Variants in NRG3 observed in about 807,000 individuals in gnomAD.
NRG3 encodes the protein neuregulin 3.
NRG3 carries 31 observed loss-of-function variants against 66.9 expected under a neutral mutation model. The ratio of observed to expected loss-of-function variants is 0.46; its 90% CI spans 0.35 to 0.63. The LOEUF (loss-of-function observed/expected upper bound fraction) is 0.63. Among genes scored for constraint, NRG3 ranks in the 20% least tolerant of loss-of-function variants. The pLI, the probability that NRG3 is intolerant of heterozygous loss-of-function variation, is 0.00. For missense variants in NRG3, 910 were observed against 878.9 expected (o/e 1.04, Z -0.45); for synonymous variants, 393 against 359.4 (o/e 1.09, Z -1.06).
chr10:82,480,833 T>C (rs182617304), intron 2 of NRG3, among the ~76,000 whole-genome samples: 2 of 152,360 alleles, frequency 1.3e-5, no homozygotes, highest in Non-Finnish European at 2.9e-5. Context: ...CTAGTGCTGA[T>C]GGAAGTAAAC....
chr10:82,667,560 A>G lies in NRG3; in HGVS notation c.954-71017A>G, dbSNP rs139128750. The stretch of plus-strand genomic sequence containing the variant: ...GAAAGCTAATTTTTTTTTAACTCAC[A>G]GGCCTGAGATAATGACGAAAGGAGA... On this transcript the variant is annotated intron_variant, in intron 2 of 8. Transcript: ENST00000372141. 9.9e-4 allele frequency among the ~76,000 whole-genome samples: 150 copies of G among 152,268 alleles called. 1 individual carries two copies. Among genetic ancestry groups the G allele is most frequent in the African/African-American group, 3.4e-3 (142 of 41,564 alleles).
intron 1 of NRG3, among the ~76,000 whole-genome samples, chr10:82,042,596 A>G (rs1032710918): frequency 4.6e-5 from 7 of 152,078 alleles, no homozygotes; most frequent in Admixed American, 6.6e-5. Context: ...ATTTACAGTT[A>G]TAAACACATA....
intron 3 of NRG3, among the ~76,000 whole-genome samples, chr10:82,861,882 A>C (rs1198165368): frequency 1.3e-5 from 2 of 152,136 alleles, no homozygotes; most frequent in Non-Finnish European, 2.9e-5. Flanking sequence ...GTCTATATGA[A>C]AAAGTTTAGT....
intron 1 of NRG3, among the ~76,000 whole-genome samples, chr10:82,216,512 A>C (rs908031784): frequency 1.4e-5 from 2 of 146,340 alleles, no homozygotes; most frequent in African/African-American, 5.2e-5. Context: ...ATATACACAC[A>C]CATATATGCA....
Position 82,742,685 on chromosome 10 carries a change from T to G in NRG3, c.1027+4035T>G, listed in dbSNP as rs557220298. 2.6e-5 allele frequency among the ~76,000 whole-genome samples: 4 copies of G among 152,196 alleles called. No individual in the cohort carries two copies. In the East Asian group the frequency reaches 7.8e-4, roughly 30 times the overall value. On this transcript the variant is annotated intron_variant, in intron 3 of 8. Transcript: ENST00000372141. ...CCGGCATCAGCTACTGTGGCATTCT[T>G]GAAGGGCATATTTCTGCCTCCTGCC...
At chr10:82,712,576 T>G in intron 2 of NRG3, among the ~76,000 whole-genome samples, 1 of 152,154 alleles carries the variant, frequency 6.6e-6, no homozygotes, top group East Asian at 1.9e-4. Flanking sequence ...CAGGAGACGC[T>G]GCTGCTGGGG....
chr10:82,967,190 C>CT (rs893474259), intron 6 of NRG3, among the ~76,000 whole-genome samples: 9 of 148,700 alleles, frequency 6.1e-5, no homozygotes, highest in Non-Finnish European at 1.2e-4. Context: ...AATATGTCTA[C>CT]TTAAGACATA....
At chr10:82,778,380 G>A (rs150210691) in intron 3 of NRG3, among the ~76,000 whole-genome samples, 1 of 152,110 alleles carries the variant, frequency 6.6e-6, no homozygotes, top group African/African-American at 2.4e-5. Flanking sequence ...CTGCATTGCT[G>A]GGGAGGCCTC....
intron 2 of NRG3, among the ~76,000 whole-genome samples, chr10:82,687,693 G>A (rs1056263087): frequency 1.3e-5 from 2 of 151,928 alleles, no homozygotes; most frequent in African/African-American, 4.8e-5. Context: ...GTGTAGAGAG[G>A]TACACCCTTG....
chr10:82,330,046 A>C (rs1469764912), intron 1 of NRG3, among the ~76,000 whole-genome samples: 1 of 152,150 alleles, frequency 6.6e-6, no homozygotes. Context: ...AGCAAAGAAA[A>C]TTTTTGGCCA....
chr10:82,785,381 A>T (rs2135321990), intron 3 of NRG3, among the ~76,000 whole-genome samples: 1 of 151,754 alleles, frequency 6.6e-6, no homozygotes, highest in Non-Finnish European at 1.5e-5. Context: ...AATTAAATTA[A>T]ATTAAATTAA....
intron 1 of NRG3, among the ~76,000 whole-genome samples, chr10:82,033,288 G>A (rs72825405): frequency 2.0e-5 from 3 of 152,230 alleles, no homozygotes; most frequent in East Asian, 1.9e-4. Flanking sequence ...ATAATGTACC[G>A]TAGACAATGC....
At position 82,019,452 on chromosome 10, in the gene NRG3, A is replaced by C. The variant is rs868399549; in HGVS notation, c.823+143289A>C. Among the ~76,000 whole-genome samples the C allele has an allele frequency of 3.9e-5, 6 of 152,264 alleles. 1 individual carries two copies. The South Asian group carries it at 1.2e-3, about 32-fold the overall frequency. On this transcript the variant is annotated intron_variant, in intron 1 of 8. Transcript: ENST00000372141. ...GGTATCAGGATGATGCTGGCCTCATAAAATGAGTTAGGGAGGATTCCCTCT... is the reference window on the plus strand; with the variant it reads ...GGTATCAGGATGATGCTGGCCTCATCAAATGAGTTAGGGAGGATTCCCTCT...
intron 1 of NRG3, among the ~76,000 whole-genome samples, chr10:82,231,782 T>C (rs939505548): frequency 1.3e-5 from 2 of 152,192 alleles, no homozygotes; most frequent in African/African-American, 4.8e-5. Context: ...TAAAACATGA[T>C]TGATTTCAAA....
At chr10:82,008,375 A>G (rs2061453055) in intron 1 of NRG3, among the ~76,000 whole-genome samples, 1 of 152,232 alleles carries the variant, frequency 6.6e-6, no homozygotes, top group African/African-American at 2.4e-5. Context: ...TGTAAACAAA[A>G]TAGCTCTAAA....
At chr10:82,608,111 G>A (rs1229361317) in intron 2 of NRG3, among the ~76,000 whole-genome samples, 2 of 152,042 alleles carry the variant, frequency 1.3e-5, no homozygotes, top group Non-Finnish European at 1.5e-5. Context: ...ACTATTAATA[G>A]CAAAAAATTT....
intron 4 of NRG3, among the ~76,000 whole-genome samples, chr10:82,931,983 G>A (rs1484247646): frequency 6.6e-6 from 1 of 152,152 alleles, no homozygotes; most frequent in East Asian, 1.9e-4. Flanking sequence ...TACCTTATCT[G>A]GCCTATAGGA....
chr10:82,133,584 C>T (rs1016982821), intron 1 of NRG3, among the ~76,000 whole-genome samples: 8 of 152,164 alleles, frequency 5.3e-5, no homozygotes, highest in Non-Finnish European at 1.2e-4. Flanking sequence ...TCACCAAAGA[C>T]ATAATCTCCT....
intron 2 of NRG3, among the ~76,000 whole-genome samples, chr10:82,501,194 G>C (rs1278704063): frequency 1.3e-5 from 2 of 152,020 alleles, no homozygotes; most frequent in African/African-American, 4.8e-5. Context: ...GGAACAGATG[G>C]GAATGGGTGG....
Sources: gnomAD v4.1 joint callset for allele counts (sites outside exome capture counted in the v4.1 genomes callset) on GRCh38, gnomAD v4.1.1 for gene constraint, MANE v1.5 for transcripts, NCBI Gene and HGNC (gene_info 2026-07-23, HGNC 2026-07-21) for gene names.